IGFBP2: variants seen among roughly 807,000 people sequenced by gnomAD.
IGFBP2 encodes the protein insulin like growth factor binding protein 2.
IGFBP2 carries 12 observed loss-of-function variants against 26.2 expected under a neutral mutation model. The ratio of observed to expected loss-of-function variants is 0.46; its 90% confidence interval spans 0.29 to 0.74. The LOEUF (loss-of-function observed/expected upper bound fraction) is 0.74, where lower values mean the gene tolerates loss of function less well. Among genes scored for constraint, IGFBP2 ranks in the 30% least tolerant of loss-of-function variants. The pLI is 0.09. For synonymous variants in IGFBP2, 189 were observed against 200.6 expected (o/e 0.94, Z 0.49); for missense variants, 328 against 441.2 (o/e 0.74, Z 2.30).
chr2:216,644,139 A>G (rs939804163), intron 1 of IGFBP2, among the ~76,000 whole-genome samples: 2 of 148,510 alleles, frequency 1.3e-5, no homozygotes, highest in African/African-American at 4.9e-5. Context: ...GGAAAGAAAT[A>G]CAGAGCAACT....
chr2:216,661,101 C>CA, intron 2 of IGFBP2: 1 of 342,268 alleles, frequency 2.9e-6, no homozygotes, highest in Non-Finnish European at 5.4e-6. Context: ...CTTGCTTACT[C>CA]TTTTTTTTTT....
intron 2 of IGFBP2, chr2:216,661,308 T>G: frequency 3.8e-6 from 1 of 263,868 alleles, no homozygotes; most frequent in Non-Finnish European, 7.4e-6. Flanking sequence ...CTCACTATGT[T>G]GTCCAGGCTG....
At chr2:216,662,277 G>T (rs1423884153) in intron 3 of IGFBP2, 6 of 484,726 alleles carry the variant, frequency 1.2e-5, no homozygotes, top group African/African-American at 5.8e-5. Flanking sequence ...GAGAAGGGAA[G>T]TGGCTTAAAC....
At position 216,659,648 on chromosome 2, in the gene IGFBP2, C is replaced by A. The variant is rs981666763; in HGVS notation, c.443-909C>A. The A allele has an allele frequency of 1.7e-5, 22 of 1,289,672 alleles. No individual in the cohort carries two copies. In the South Asian group the frequency reaches 2.3e-4, roughly 13 times the overall value. The allele number at this position is 1,289,672 out of a possible 1,614,324, so 79.9% of individuals were successfully genotyped here. ...TGGCAGGCTGGAGCTGTTTTCAAGGCCTCCTTCACCTAGGCTGTGCATACA... is the reference window on the plus strand; with the variant it reads ...TGGCAGGCTGGAGCTGTTTTCAAGGACTCCTTCACCTAGGCTGTGCATACA... On this transcript the variant is annotated intron_variant, in intron 1 of 3. Coordinates refer to ENST00000233809, the MANE Select transcript of IGFBP2 (RefSeq NM_000597.3).
In IGFBP2 at chr2:216,633,778, C is replaced by T. The variant is rs764101343; in HGVS notation, c.255C>T (p.Gly85=). 4 of 1,400,510 alleles carry T rather than the reference C, an allele frequency of 2.9e-6. No individual in the cohort carries two copies. In the Admixed American group the frequency reaches 1.2e-4, roughly 42 times the overall value. 86.8% of individuals were successfully genotyped at this position (1,400,510 alleles called of 1,614,324 possible). The change falls in exon 1 of 4, where the codon GGC becomes GGT. Residue 85 remains glycine (G), a synonymous_variant. Transcript: ENST00000233809. ...CAELVREPGC[G]CCSVCARLEG... ...AGCTCGTCCGGGAGCCGGGCTGCGGCTGCTGCTCGGTGTGCGCCCGGCTGG... is the reference window on the plus strand; with the variant it reads ...AGCTCGTCCGGGAGCCGGGCTGCGGTTGCTGCTCGGTGTGCGCCCGGCTGG...
Position 216,664,014 on chromosome 2 carries a change from A to G in IGFBP2, c.888A>G (p.Gly296=). The change falls in exon 4 of 4, where the codon GGA becomes GGG. Residue 296 remains glycine (G), a synonymous_variant. Transcript: ENST00000233809. This position sits in a 1 kb window ranked among gnomAD's most constrained non-coding sequence, Gnocchi z 4.6. ...VNPNTGKLIQ[G]APTIRGDPEC... is the part of the protein sequence containing the mutation. The stretch of plus-strand genomic sequence containing the variant: ...CCAACACCGGGAAGCTGATCCAGGG[A>G]GCCCCCACCATCCGGGGGGACCCCG... 6.2e-7 allele frequency: 1 copy of G among 1,614,058 alleles called. No homozygotes were observed. The highest frequency in any genetic ancestry group is 8.5e-7 in the Non-Finnish European group (1 of 1,180,004).
chr2:216,658,587 T>A (rs1453856267), intron 1 of IGFBP2, among the ~76,000 whole-genome samples: 1 of 152,070 alleles, frequency 6.6e-6, no homozygotes, highest in Admixed American at 6.6e-5. Context: ...TCTTGCTCTG[T>A]CGCCCAGGCT....
rs200162837 is a variant in IGFBP2 at position 216,655,902 on chromosome 2, CAAAA to C, written c.443-4646_443-4643del. On this transcript the variant is annotated intron_variant, in intron 1 of 3. Transcript: ENST00000233809. ...AGAGCGATACTCTGTCTCAAAAAAA[CAAAA>C]AAAAAAAATCAAAAAACCATATTTT... is the stretch of plus-strand genomic sequence containing the variant. 1.1e-4 allele frequency among the ~76,000 whole-genome samples: 14 copies of C among 126,932 alleles called. No individual in the cohort carries two copies. The South Asian group carries it at 1.7e-3, about 16-fold the overall frequency. 83.3% of individuals were successfully genotyped at this position (126,932 alleles called of 152,430 possible).
rs187840471 is a variant in IGFBP2, at chr2:216,639,175, C to G, written c.442+5210C>G. Among the ~76,000 whole-genome samples the G allele has an allele frequency of 2.0e-4, 30 of 152,064 alleles. No homozygotes were observed. In the East Asian group the frequency reaches 5.8e-3, roughly 29 times the overall value. On this transcript the variant is annotated intron_variant, in intron 1 of 3. Coordinates refer to ENST00000233809, the MANE Select transcript of IGFBP2 (RefSeq NM_000597.3). ...AGCCTCCCGAGTAGTTGGGAATTCA[C>G]GCATGCACCACCATACACGGTTAAT...
intron 1 of IGFBP2, among the ~76,000 whole-genome samples, chr2:216,653,336 A>G (rs1452297738): frequency 6.6e-6 from 1 of 152,214 alleles, no homozygotes. Flanking sequence ...TTTGTTGAGT[A>G]AGATCATTGA....
chr2:216,645,943 G>A (rs1422638941), intron 1 of IGFBP2, among the ~76,000 whole-genome samples: 3 of 152,170 alleles, frequency 2.0e-5, no homozygotes, highest in South Asian at 2.1e-4. Flanking sequence ...GGTTGTCTCT[G>A]GTTTGGTTCA....
At chr2:216,639,326 G>A (rs969348351) in intron 1 of IGFBP2, among the ~76,000 whole-genome samples, 2 of 152,074 alleles carry the variant, frequency 1.3e-5, no homozygotes, top group South Asian at 2.1e-4. Context: ...ATGAGCTACC[G>A]CACCTGGCCA....
chr2:216,659,859 G>A, intron 1 of IGFBP2: 1 of 871,480 alleles, frequency 1.1e-6, no homozygotes, highest in East Asian at 2.6e-5. Flanking sequence ...GAATGTCAGT[G>A]TGGCAGAGCT....
rs775206660 is a variant in IGFBP2, at chr2:216,660,522, G to T, written c.443-35G>T. Reference sequence around the variant, plus strand: ...GAGGGCACGTCTCTCTGGGAAACTGGACCTGGAGCTTTTCTTCCCTTCCTC... The same window carrying T: ...GAGGGCACGTCTCTCTGGGAAACTGTACCTGGAGCTTTTCTTCCCTTCCTC... On this transcript the variant is annotated intron_variant, in intron 1 of 3. Coordinates refer to ENST00000233809, the MANE Select transcript of IGFBP2 (RefSeq NM_000597.3). 80 of 1,528,764 alleles carry T rather than the reference G, an allele frequency of 5.2e-5. 1 individual carries two copies. The highest frequency in any genetic ancestry group is 3.7e-4 in the South Asian group (30 of 80,510). 94.7% of individuals were successfully genotyped at this position (1,528,764 alleles called of 1,614,324 possible). A position where few individuals can be genotyped will look rare whatever the true frequency, so the allele number is the denominator to read the frequency against.
intron 1 of IGFBP2, among the ~76,000 whole-genome samples, chr2:216,639,563 T>TG (rs1697571757): frequency 5.4e-5 from 2 of 37,296 alleles, no homozygotes; most frequent in Admixed American, 3.5e-4. Context: ...AAAAAGCTTG[T>TG]TTTTTTTTTG....
intron 1 of IGFBP2, among the ~76,000 whole-genome samples, chr2:216,654,020 G>A (rs2106201181): frequency 1.3e-5 from 2 of 152,246 alleles, no homozygotes; most frequent in South Asian, 4.1e-4. Context: ...AGCCCATGGA[G>A]TTGCATACAT....
intron 1 of IGFBP2, among the ~76,000 whole-genome samples, chr2:216,637,937 C>G (rs1180938400): frequency 6.6e-6 from 1 of 152,204 alleles, no homozygotes; most frequent in African/African-American, 2.4e-5. Context: ...GCCTGTAATC[C>G]CAGCACTTTG....
intron 1 of IGFBP2, among the ~76,000 whole-genome samples, chr2:216,648,555 G>A (rs1226336359): frequency 1.3e-5 from 2 of 152,134 alleles, no homozygotes; most frequent in Admixed American, 1.3e-4. Context: ...GTTACTGATA[G>A]CTCTGCTTGA....
intron 1 of IGFBP2, among the ~76,000 whole-genome samples, chr2:216,645,042 A>G (rs1438580702): frequency 1.3e-5 from 2 of 152,190 alleles, no homozygotes; most frequent in African/African-American, 2.4e-5. Context: ...TTTTAGGTCT[A>G]TTGTCTTTAC....
Sources: allele counts gnomAD v4.1 joint callset (sites outside exome capture counted in the v4.1 genomes callset), GRCh38; gene constraint gnomAD v4.1.1; non-coding constraint Gnocchi (gnomAD v3.1); transcripts MANE v1.5; gene names NCBI Gene and HGNC (gene_info 2026-07-23, HGNC 2026-07-21).